The following CIRBP variants were observed in gnomAD, a reference collection of about 807,000 sequenced individuals.
CIRBP encodes cold-inducible RNA-binding protein.
In CIRBP, 11 loss-of-function variants were observed where a neutral mutation model predicts 22.3. The observed-to-expected ratio is 0.49, with a 90% CI of 0.31 to 0.82. The LOEUF (loss-of-function observed/expected upper bound fraction) is 0.82. Among genes scored for constraint, CIRBP ranks in the 40% least tolerant of loss-of-function variants. The pLI, the probability that CIRBP is intolerant of heterozygous loss-of-function variation, is 0.05. For missense variants in CIRBP, 456 were observed against 402.7 expected, an observed-to-expected ratio of 1.13 and a Z score of -1.13; for synonymous variants, 216 against 158.8, an observed-to-expected ratio of 1.36 and a Z score of -2.71.
chr19:1,274,397 A>G lies in CIRBP; in HGVS notation c.*1954A>G. 2.5e-6 allele frequency: 1 copy of G among 400,814 alleles called. No homozygotes were observed. Among genetic ancestry groups the G allele is most frequent in the Non-Finnish European group, 4.4e-6 (1 of 226,144 alleles). The allele number at this position is 400,814 out of a possible 1,614,324, so 24.8% of individuals were successfully genotyped here. On this transcript the variant is annotated 3_prime_UTR_variant, in exon 6 of 6. Coordinates refer to ENST00000587896, the MANE Select transcript of CIRBP (RefSeq NM_001300829.2). ...CTGTCCCAGGAGGGACTTCACCTGG[A>G]ACAAGAGCTGGAGGCAGCCGCTTGC...
At chr19:1,271,287 T>G in intron 3 of CIRBP, 41 bp downstream of exon 3, 1 of 1,613,964 alleles carries the variant, frequency 6.2e-7, no homozygotes, top group Non-Finnish European at 8.5e-7. Context: ...GTCTCGAGGA[T>G]GGGGCACCCA....
Position 1,271,532 on chromosome 19 carries a change from C to A in CIRBP, c.350-19C>A, listed in dbSNP as rs915741978. 1.6e-5 allele frequency: 25 copies of A among 1,593,234 alleles called. No individual in the cohort carries two copies. Among genetic ancestry groups the A allele is most frequent in the Non-Finnish European group, 2.1e-5 (25 of 1,170,400 alleles). On this transcript the variant is annotated intron_variant, in intron 4 of 5. Transcript: ENST00000587896. Reference sequence around the variant, plus strand: ...TACTGCTGGTGGGAGCTGGTACTCACTTTTTCCTGTATGTGCAGGAGGAGG... The same window carrying A: ...TACTGCTGGTGGGAGCTGGTACTCAATTTTTCCTGTATGTGCAGGAGGAGG...
Position 1,271,596 on chromosome 19 carries a change from G to T in CIRBP, c.395G>T (p.Ser132Ile). 6.4e-7 allele frequency: 1 copy of T among 1,570,064 alleles called. No individual in the cohort carries two copies. The highest frequency in any genetic ancestry group is 8.6e-7 in the Non-Finnish European group (1 of 1,159,204). ...GYGGNRFESRSGGYGGSRDYY... is the reference protein window; with the variant it reads ...GYGGNRFESRIGGYGGSRDYY... ...GGGGGGAACCGGTTCGAGTCCAGGA[G>T]TGGGGGCTACGGAGGCTCCAGAGAC... The change falls in exon 5 of 6, where the codon AGT becomes ATT. Residue 132 changes from serine (S) to isoleucine (I), a missense_variant. Ser to Ile is a moderately radical substitution (Grantham distance 142). This residue lies in a region of CIRBP where 426 missense variants were observed against 339.6 expected (regional missense o/e 1.25). Transcript: ENST00000587896.
At chr19:1,269,601 C>T (rs2081298392) in intron 1 of CIRBP, among the ~76,000 whole-genome samples, 191 bp downstream of exon 1, 1 of 151,656 alleles carries the variant, frequency 6.6e-6, no homozygotes, top group African/African-American at 2.4e-5. Context: ...CCCGCCGGTC[C>T]GGGCCGCCGG....
intron 4 of CIRBP, 41 bp from the exon 5 acceptor site, chr19:1,271,510 T>G (rs201091686): frequency 6.9e-6 from 11 of 1,601,764 alleles, no homozygotes; most frequent in Non-Finnish European, 8.5e-6. Context: ...TGTGAGGTAC[T>G]GCTGGTGGGA....
At position 1,272,157 on chromosome 19, in the gene CIRBP, A is replaced by C; in HGVS notation, c.608A>C (p.His203Pro). ...STLGWTLRPC[H>P]CACPEEAHLS... ...TTAGGCTGGACACTCAGACCTTGTC[A>C]CTGTGCTTGCCCAGAAGAGGCGCAT... is the stretch of plus-strand genomic sequence containing the variant. Residue 203 changes from histidine to proline, a missense_variant, in exon 6 of 6, where the codon CAC (histidine) becomes CCC (proline). By Grantham distance (77) the His-to-Pro change is moderately conservative. Coordinates refer to ENST00000587896, the MANE Select transcript of CIRBP (RefSeq NM_001300829.2). 2 of 1,609,822 alleles carry C rather than the reference A, an allele frequency of 1.2e-6. No homozygotes were observed. The highest frequency in any genetic ancestry group is 2.2e-5 in the South Asian group (2 of 90,876).
Position 1,273,744 on chromosome 19 carries a change from C to T in CIRBP, c.*1301C>T, listed in dbSNP as rs953325662. 1.3e-5 allele frequency: 2 copies of T among 152,256 alleles called. No homozygotes were observed. The highest frequency in any genetic ancestry group is 2.9e-5 in the Non-Finnish European group (2 of 68,074). The allele number at this position is 152,256 out of a possible 1,614,324, so 9.4% of individuals were successfully genotyped here. On this transcript the variant is annotated 3_prime_UTR_variant, in exon 6 of 6. Coordinates refer to ENST00000587896, the MANE Select transcript of CIRBP (RefSeq NM_001300829.2). ...ACTCCTTCCGCTCGTGTCCACATCC[C>T]TCTTGTTGAGAGCTCACTGAAAGTC...
chr19:1,271,459 T>A lies in CIRBP; in HGVS notation c.341T>A (p.Phe114Tyr). ...FRGGRGRGRG[F>Y]SRGGGDRGYG... ...GGGGGCCGAGGACGGGGCCGTGGGT[T>A]CTCTAGAGGTGAGTGCCATGAGTGG... The change falls in exon 4 of 6, where the codon TTC becomes TAC. Residue 114 changes from phenylalanine (F) to tyrosine (Y), a missense_variant. By Grantham distance (22) the Phe-to-Tyr change is conservative. This residue lies in a region of CIRBP where 426 missense variants were observed against 339.6 expected (regional missense o/e 1.25). Transcript: ENST00000587896. 6.2e-7 allele frequency: 1 copy of A among 1,608,304 alleles called. No homozygotes were observed. Among genetic ancestry groups the A allele is most frequent in the Non-Finnish European group, 8.5e-7 (1 of 1,177,188 alleles).
rs995424091 is a variant in CIRBP, at chr19:1,273,825, TTTG to T, written c.*1385_*1387del. ...TTTTGTTTTTCCTTTTTTTTTTAAC[TTTG>T]TTTTTGTTTTTTTCAATTAAGCTGG... On this transcript the variant is annotated 3_prime_UTR_variant, in exon 6 of 6. Coordinates refer to ENST00000587896, the MANE Select transcript of CIRBP (RefSeq NM_001300829.2). The T allele has an allele frequency of 1.3e-5, 2 of 152,132 alleles. No individual in the cohort carries two copies. Among genetic ancestry groups the T allele is most frequent in the African/African-American group, 4.9e-5 (2 of 40,448 alleles). 9.4% of individuals were successfully genotyped at this position (152,132 alleles called of 1,614,324 possible). A position where few individuals can be genotyped will look rare whatever the true frequency, so the allele number is the denominator to read the frequency against.
intron 2 of CIRBP, 42 bp from the exon 3 acceptor site, chr19:1,271,098 G>A (rs765654317): frequency 6.2e-7 from 1 of 1,611,118 alleles, no homozygotes; most frequent in South Asian, 1.1e-5. Flanking sequence ...CTACCTGGAA[G>A]TACAGCTGGG....
intron 3 of CIRBP, 35 bp downstream of exon 3, chr19:1,271,281 C>A: frequency 6.2e-7 from 1 of 1,613,984 alleles, no homozygotes; most frequent in Non-Finnish European, 8.5e-7. Context: ...AGTCCCGTCT[C>A]GAGGATGGGG....
In CIRBP at chr19:1,271,384, G is replaced by A. The variant is rs750048566; in HGVS notation, c.266G>A (p.Arg89Gln). Residue 89 changes from arginine to glutamine, a missense_variant, in exon 4 of 6, where the codon CGA becomes CAA. By Grantham distance (43) the Arg-to-Gln change is conservative. Transcript: ENST00000587896. Reference sequence around the variant, plus strand: ...CAGGCAGGCAAGTCGTCAGACAACCGATCCCGTGGGTACCGTGGTGGCTCT... The same window carrying A: ...CAGGCAGGCAAGTCGTCAGACAACCAATCCCGTGGGTACCGTGGTGGCTCT... ...VDQAGKSSDN[R>Q]SRGYRGGSAG... 3.1e-6 allele frequency: 5 copies of A among 1,613,910 alleles called. No individual in the cohort carries two copies. Among genetic ancestry groups the A allele is most frequent in the South Asian group, 1.1e-5 (1 of 91,090 alleles).
chr19:1,271,546 T>C lies in CIRBP; in HGVS notation c.350-5T>C, dbSNP rs752421859. Reference sequence around the variant, plus strand: ...GCTGGTACTCACTTTTTCCTGTATGTGCAGGAGGAGGGGACCGAGGCTATG... The same window carrying C: ...GCTGGTACTCACTTTTTCCTGTATGCGCAGGAGGAGGGGACCGAGGCTATG... On this transcript the variant is annotated splice_polypyrimidine_tract_variant and splice_region_variant and intron_variant, in intron 4 of 5. Transcript: ENST00000587896. 5.7e-6 allele frequency: 9 copies of C among 1,587,954 alleles called. No homozygotes were observed. In the Admixed American group the frequency reaches 1.1e-4, roughly 19 times the overall value.
chr19:1,272,631 T>C lies in CIRBP; in HGVS notation c.*188T>C, dbSNP rs376598469. 4 of 486,106 alleles carry C rather than the reference T, an allele frequency of 8.2e-6. No homozygotes were observed. Among genetic ancestry groups the C allele is most frequent in the Non-Finnish European group, 1.5e-5 (4 of 272,134 alleles). 30.1% of individuals were successfully genotyped at this position (486,106 alleles called of 1,614,324 possible). On this transcript the variant is annotated 3_prime_UTR_variant, in exon 6 of 6. Transcript: ENST00000587896. ...CGGGATGGCCTCGTTACTAGACTTT[T>C]CTTTTTAAGGAAGTGCTGTTTTTTT...
In CIRBP at chr19:1,272,269, G is replaced by T; in HGVS notation, c.720G>T (p.Gly240=). ...QKGKGERGPA[G]QSARCMCGRR... ...GCAAGGGAGAGCGAGGGCCCGCTGG[G>T]CAGTCAGCTAGGTGCATGTGTGGCC... The change falls in exon 6 of 6, where the codon GGG becomes GGT. Residue 240 remains glycine, a synonymous_variant. Coordinates refer to ENST00000587896, the MANE Select transcript of CIRBP (RefSeq NM_001300829.2). 6 of 1,611,906 alleles carry T rather than the reference G, an allele frequency of 3.7e-6. No homozygotes were observed. Among genetic ancestry groups the T allele is most frequent in the Non-Finnish European group, 5.1e-6 (6 of 1,179,408 alleles).
intron 1 of CIRBP, 139 bp from the exon 2 acceptor site, chr19:1,270,789 G>A: frequency 1.4e-6 from 1 of 716,610 alleles, no homozygotes; most frequent in Non-Finnish European, 2.5e-6. Flanking sequence ...TCCTAGGTAT[G>A]AGTTTGAGAT....
chr19:1,272,187 C>G lies in CIRBP; in HGVS notation c.638C>G (p.Ser213Cys), dbSNP rs771475161. ...HCACPEEAHLSSQSHFYRRTQ... is the reference protein window; with the variant it reads ...HCACPEEAHLCSQSHFYRRTQ... ...GCTTGCCCAGAAGAGGCGCATCTGT[C>G]CTCTCAGAGCCATTTCTATCGCAGG... is the stretch of plus-strand genomic sequence containing the variant. Residue 213 changes from serine to cysteine, a missense_variant, in exon 6 of 6, where the codon TCC becomes TGC. Physicochemically the swap from Ser to Cys is moderately radical, Grantham distance 112. Coordinates refer to ENST00000587896, the MANE Select transcript of CIRBP (RefSeq NM_001300829.2). 7 of 1,597,406 alleles carry G rather than the reference C, an allele frequency of 4.4e-6. No homozygotes were observed. The highest frequency in any genetic ancestry group is 6.0e-6 in the Non-Finnish European group (7 of 1,172,712).
rs903820651 is a variant in CIRBP at position 1,272,521 on chromosome 19, G to A, written c.*78G>A. The A allele has an allele frequency of 8.3e-7, 1 of 1,201,672 alleles. No individual in the cohort carries two copies. Among genetic ancestry groups the A allele is most frequent in the East Asian group, 2.4e-5 (1 of 42,320 alleles). The allele number at this position is 1,201,672 out of a possible 1,614,324, so 74.4% of individuals were successfully genotyped here. Reference sequence around the variant, plus strand: ...TGGGAGCTTCGCTGAACGTTAATGTGTAGTAAATGCACCTCCTTGTATTCC... The same window carrying A: ...TGGGAGCTTCGCTGAACGTTAATGTATAGTAAATGCACCTCCTTGTATTCC... On this transcript the variant is annotated 3_prime_UTR_variant, in exon 6 of 6. Coordinates refer to ENST00000587896, the MANE Select transcript of CIRBP (RefSeq NM_001300829.2).
Position 1,274,416 on chromosome 19 carries a change from C to T in CIRBP, c.*1973C>T, listed in dbSNP as rs1299472664. 5.0e-6 allele frequency: 2 copies of T among 400,038 alleles called. No individual in the cohort carries two copies. Among genetic ancestry groups the T allele is most frequent in the African/African-American group, 2.1e-5 (1 of 48,686 alleles). The allele number at this position is 400,038 out of a possible 1,614,324, so 24.8% of individuals were successfully genotyped here. ...ACCTGGAACAAGAGCTGGAGGCAGCCGCTTGCCCAGGAGGCTTGTCCCCTG... is the reference window on the plus strand; with the variant it reads ...ACCTGGAACAAGAGCTGGAGGCAGCTGCTTGCCCAGGAGGCTTGTCCCCTG... On this transcript the variant is annotated 3_prime_UTR_variant, in exon 6 of 6. Coordinates refer to ENST00000587896, the MANE Select transcript of CIRBP (RefSeq NM_001300829.2).
Sources: allele counts gnomAD v4.1 joint callset (sites outside exome capture counted in the v4.1 genomes callset), GRCh38; gene constraint gnomAD v4.1.1; regional missense constraint gnomAD v4.1.1; transcripts MANE v1.5; gene names NCBI Gene and HGNC (gene_info 2026-07-23, HGNC 2026-07-21).